Variants in LRBA observed in about 807,000 individuals in gnomAD.
LRBA encodes LPS responsive beige-like anchor protein, also known as lipopolysaccharide-responsive and beige-like anchor protein.
In LRBA, 176 loss-of-function variants were observed where a neutral mutation model predicts 330.0. That is an observed-to-expected ratio of 0.53 (90% CI 0.47 to 0.60). The LOEUF (loss-of-function observed/expected upper bound fraction) is 0.60, where lower values mean the gene tolerates loss of function less well. LRBA is among the 20% of genes least tolerant of loss of function. LRBA has a pLI of 0.00. For missense variants in LRBA, 3,259 were observed against 3,444.8 expected (o/e 0.95, Z 1.35); for synonymous variants, 1,230 against 1,193.0 (o/e 1.03, Z -0.64).
chr4:150,585,660 A>C (rs1348025398), intron 40 of LRBA, among the ~76,000 whole-genome samples: 1 of 152,214 alleles, frequency 6.6e-6, no homozygotes, highest in Non-Finnish European at 1.5e-5. Flanking sequence ...TAATGATGAG[A>C]CACAGGTACA....
At chr4:150,836,196 G>T (rs371429512) in intron 28 of LRBA, among the ~76,000 whole-genome samples, 4 of 152,102 alleles carry the variant, frequency 2.6e-5, no homozygotes, top group African/African-American at 4.8e-5. Context: ...TGCTGGATTC[G>T]GTTTGCCAGT....
intron 30 of LRBA, among the ~76,000 whole-genome samples, chr4:150,825,249 G>A (rs1560872015): frequency 6.6e-6 from 1 of 152,150 alleles, no homozygotes; most frequent in South Asian, 2.1e-4. Flanking sequence ...AATGCATACT[G>A]TACTACTGTA....
At chr4:150,643,249 G>A (rs1470796560) in intron 37 of LRBA, among the ~76,000 whole-genome samples, 1 of 151,830 alleles carries the variant, frequency 6.6e-6, no homozygotes, top group Admixed American at 6.6e-5. Flanking sequence ...AATATGTACT[G>A]AATATCTACC....
chr4:150,630,515 T>C (rs966650219), intron 37 of LRBA, among the ~76,000 whole-genome samples: 7 of 152,340 alleles, frequency 4.6e-5, no homozygotes, highest in East Asian at 1.9e-4. Context: ...ATGTCATATG[T>C]GATATGCAAT....
intron 40 of LRBA, among the ~76,000 whole-genome samples, chr4:150,502,893 C>T (rs1327374813): frequency 1.3e-5 from 2 of 152,220 alleles, no homozygotes; most frequent in Non-Finnish European, 2.9e-5. Context: ...AAATGGCACA[C>T]AAGGAGATTA....
chr4:150,902,680 G>A (rs532203183), intron 13 of LRBA, among the ~76,000 whole-genome samples: 18 of 152,174 alleles, frequency 1.2e-4, no homozygotes, highest in African/African-American at 4.3e-4. Context: ...AGTGTGGAGT[G>A]TACTTTCATT....
intron 40 of LRBA, among the ~76,000 whole-genome samples, chr4:150,552,149 T>C (rs1186762613): frequency 6.6e-6 from 1 of 152,134 alleles, no homozygotes; most frequent in Admixed American, 6.5e-5. Context: ...CTCCCTCACC[T>C]GGCACTCCTC....
chr4:150,870,729 T>A, intron 19 of LRBA, 123 bp from the exon 20 acceptor site: 1 of 552,360 alleles, frequency 1.8e-6, no homozygotes, highest in Non-Finnish European at 3.2e-6. Flanking sequence ...ATAGTATATT[T>A]TTAGTCCAAT....
Position 150,852,519 on chromosome 4 carries a change from G to C in LRBA, c.3191C>G (p.Ser1064Cys). The C allele has an allele frequency of 6.2e-7, 1 of 1,613,752 alleles. No individual in the cohort carries two copies. Among genetic ancestry groups the C allele is most frequent in the South Asian group, 1.1e-5 (1 of 91,064 alleles). The stretch of plus-strand genomic sequence containing the variant: ...TGAATCTTTGCCAGTTGTTATAAAA[G>C]AATTAGAGGAAATAGCCACAGCTTC... ...IIEAVAISSN[S>C]FITTGKDSMT... is the part of the protein sequence containing the mutation. Residue 1064 changes from serine to cysteine, a missense_variant, in exon 23 of 57, where the codon TCT becomes TGT. Ser to Cys is a moderately radical substitution (Grantham distance 112, BLOSUM62 -1). Coordinates refer to ENST00000651943, the MANE Select transcript of LRBA (RefSeq NM_001364905.1).
intron 37 of LRBA, among the ~76,000 whole-genome samples, chr4:150,628,745 A>C (rs967255396): frequency 1.3e-5 from 2 of 152,238 alleles, no homozygotes; most frequent in African/African-American, 4.8e-5. Context: ...TAAGGCAATA[A>C]AACCTACTAG....
intron 2 of LRBA, among the ~76,000 whole-genome samples, chr4:150,941,419 G>A (rs1029610151): frequency 1.3e-5 from 2 of 151,938 alleles, no homozygotes; most frequent in African/African-American, 2.4e-5. Context: ...CCAAAATGCT[G>A]GGATTACAGG....
chr4:150,827,475 C>T (rs948712611), intron 30 of LRBA, among the ~76,000 whole-genome samples: 1 of 152,194 alleles, frequency 6.6e-6, no homozygotes, highest in Non-Finnish European at 1.5e-5. Context: ...ATACTAAAAT[C>T]AACCTCTTCT....
At chr4:150,905,182 G>T (rs1211984109) in intron 13 of LRBA, among the ~76,000 whole-genome samples, 1 of 151,692 alleles carries the variant, frequency 6.6e-6, no homozygotes, top group Non-Finnish European at 1.5e-5. Context: ...TAATTGGTTT[G>T]TTGTTACAAA....
intron 52 of LRBA, among the ~76,000 whole-genome samples, chr4:150,308,831 T>C (rs1221122664): frequency 6.6e-6 from 1 of 152,228 alleles, no homozygotes; most frequent in Non-Finnish European, 1.5e-5. Flanking sequence ...TTAAGCTATG[T>C]GTTATTACAA....
At position 150,315,636 on chromosome 4, in the gene LRBA, A is replaced by C; in HGVS notation, c.7631-13T>G. 6.4e-7 allele frequency: 1 copy of C among 1,556,348 alleles called. No homozygotes were observed. On this transcript the variant is annotated splice_polypyrimidine_tract_variant and intron_variant, in intron 50 of 56. Transcript: ENST00000651943. ...GCACCTTGATGAGCTGGAATTCACA[A>C]AAGATAAAGAAAAAAGGCATTATTT...
At chr4:150,788,048 T>C (rs1739333582) in intron 34 of LRBA, among the ~76,000 whole-genome samples, 2 of 152,128 alleles carry the variant, frequency 1.3e-5, no homozygotes, top group African/African-American at 4.8e-5. Flanking sequence ...CTAATTTAGA[T>C]TCCCACCAAC....
intron 42 of LRBA, among the ~76,000 whole-genome samples, chr4:150,475,012 TG>T (rs1424609007): frequency 6.6e-6 from 1 of 152,180 alleles, no homozygotes; most frequent in Non-Finnish European, 1.5e-5. Flanking sequence ...GTGTTGAATT[TG>T]GTCAAATGCT....
Position 150,908,862 on chromosome 4 carries a change from G to T in LRBA, c.1162-5C>A. On this transcript the variant is annotated splice_region_variant and splice_polypyrimidine_tract_variant and intron_variant, in intron 9 of 56. Transcript: ENST00000651943. ...TGCTTTGAATTTAAATGTACCCTAA[G>T]AATTAATTAAAAACAGTTAAATAGT... is the stretch of plus-strand genomic sequence containing the variant. 1 of 1,599,182 alleles carries T rather than the reference G, an allele frequency of 6.3e-7. No individual in the cohort carries two copies. Among genetic ancestry groups the T allele is most frequent in the Non-Finnish European group, 8.6e-7 (1 of 1,168,944 alleles).
At chr4:150,922,684 G>A (rs750309048) in intron 4 of LRBA, among the ~76,000 whole-genome samples, 1 of 151,886 alleles carries the variant, frequency 6.6e-6, no homozygotes, top group South Asian at 2.1e-4. Context: ...CTCAGGTGAC[G>A]GGTGCACCAA....
Sources: gnomAD v4.1 joint callset for allele counts (sites outside exome capture counted in the v4.1 genomes callset) on GRCh38, gnomAD v4.1.1 for gene constraint, MANE v1.5 for transcripts, NCBI Gene and HGNC (gene_info 2026-07-23, HGNC 2026-07-21) for gene names.